Variants in ADAMTS2 observed in about 807,000 individuals in gnomAD.
ADAMTS2 encodes A disintegrin and metalloproteinase with thrombospondin motifs 2.
Under a neutral mutation model 123.0 loss-of-function variants are expected in ADAMTS2, and 50 were observed. The observed-to-expected ratio is 0.41, with a 90% CI of 0.32 to 0.51. The LOEUF (loss-of-function observed/expected upper bound fraction) is 0.51. Among genes scored for constraint, ADAMTS2 ranks in the 20% least tolerant of loss-of-function variants. The probability of loss-of-function intolerance (pLI) is 0.35; values close to 1 mark genes in which losing one functional copy is unlikely to be tolerated. For synonymous variants in ADAMTS2, 678 were observed against 695.4 expected (o/e 0.98, Z 0.39); for missense variants, 1,494 against 1,705.2 (o/e 0.88, Z 2.18).
chr5:179,217,801 G>GCGCAAGGGAA (rs879691618), intron 3 of ADAMTS2, among the ~76,000 whole-genome samples: 1 of 111,036 alleles, frequency 9.0e-6, no homozygotes, highest in African/African-American at 3.2e-5. Flanking sequence ...CGCAAGGGGG[G>GCGCAAGGGAA]GATGGGCACA....
intron 4 of ADAMTS2, among the ~76,000 whole-genome samples, chr5:179,194,448 A>T (rs998044673): frequency 1.1e-4 from 16 of 152,172 alleles, no homozygotes; most frequent in Admixed American, 6.5e-5. Context: ...GAACAGGAGG[A>T]CACAGTAGAT....
chr5:179,281,820 C>T (rs1449653923), intron 2 of ADAMTS2, among the ~76,000 whole-genome samples: 1 of 152,178 alleles, frequency 6.6e-6, no homozygotes, highest in Non-Finnish European at 1.5e-5. Context: ...ACTCATTATT[C>T]TTAGGCTCTT....
chr5:179,132,666 A>AG lies in ADAMTS2; in HGVS notation c.2209+110dup. The AG allele has an allele frequency of 7.8e-7, 1 of 1,277,790 alleles. No individual in the cohort carries two copies. Among genetic ancestry groups the AG allele is most frequent in the Admixed American group, 2.0e-5 (1 of 49,088 alleles). 79.2% of individuals were successfully genotyped at this position (1,277,790 alleles called of 1,614,324 possible). On this transcript the variant is annotated intron_variant, in intron 14 of 21. Coordinates refer to ENST00000251582, the MANE Select transcript of ADAMTS2 (RefSeq NM_014244.5). The surrounding 1 kb of genome is among the most constrained non-coding windows in gnomAD (Gnocchi z 6.1). ...GTGTCACAGACCTCTCCCCCTCCCCAGAACAGTCATAAGCCCGGACAGCCC... is the reference window on the plus strand; with the variant it reads ...GTGTCACAGACCTCTCCCCCTCCCCAGGAACAGTCATAAGCCCGGACAGCCC...
At chr5:179,226,243 TC>T (rs1765281166) in intron 3 of ADAMTS2, among the ~76,000 whole-genome samples, 1 of 139,066 alleles carries the variant, frequency 7.2e-6, no homozygotes, top group Non-Finnish European at 1.6e-5. Context: ...TTCCTTCCTT[TC>T]TTTCTTTCTT....
At chr5:179,167,580 C>T (rs1486343821) in intron 5 of ADAMTS2, among the ~76,000 whole-genome samples, 2 of 151,954 alleles carry the variant, frequency 1.3e-5, no homozygotes, top group Admixed American at 6.5e-5. Flanking sequence ...CCGCTGGAAC[C>T]GCGCCCGCCC....
chr5:179,256,661 C>T lies in ADAMTS2; in HGVS notation c.688+16250G>A, dbSNP rs1282102428. Among the ~76,000 whole-genome samples the T allele has an allele frequency of 6.6e-6, 1 of 152,124 alleles. No homozygotes were observed. Among genetic ancestry groups the T allele is most frequent in the African/African-American group, 2.4e-5 (1 of 41,406 alleles). The stretch of plus-strand genomic sequence containing the variant: ...ATGAGTGGGGGGGCCAGGCACGAAT[C>T]GGCAGGGAGGGAGGGGTTGTGTTCG... On this transcript the variant is annotated intron_variant, in intron 3 of 21. Coordinates refer to ENST00000251582, the MANE Select transcript of ADAMTS2 (RefSeq NM_014244.5). The surrounding 1 kb of genome is among the most constrained non-coding windows in gnomAD (Gnocchi z 4.1).
chr5:179,335,841 G>A (rs1389078275), intron 2 of ADAMTS2, among the ~76,000 whole-genome samples: 2 of 152,164 alleles, frequency 1.3e-5, no homozygotes, highest in Non-Finnish European at 2.9e-5. Flanking sequence ...GCAGGGCAAG[G>A]TAACGGGAAG....
chr5:179,341,406 C>T (rs1287152999), intron 2 of ADAMTS2: 9 of 337,790 alleles, frequency 2.7e-5, no homozygotes, highest in African/African-American at 4.5e-5. Context: ...AGAGGACAAG[C>T]GAAAAGAAAA....
In ADAMTS2 at chr5:179,234,180, G is replaced by A. The variant is rs567133981; in HGVS notation, c.689-26465C>T. 6.6e-6 allele frequency among the ~76,000 whole-genome samples: 1 copy of A among 152,226 alleles called. No individual in the cohort carries two copies. The highest frequency in any genetic ancestry group is 2.1e-4 in the South Asian group (1 of 4,820). On this transcript the variant is annotated intron_variant, in intron 3 of 21. Coordinates refer to ENST00000251582, the MANE Select transcript of ADAMTS2 (RefSeq NM_014244.5). This position sits in a 1 kb window ranked among gnomAD's most constrained non-coding sequence, Gnocchi z 4.7. ...CCAGAAGAGACCCTCTCCTGCCACA[G>A]GCGCCCTCCCCATCAGATGCCAGAG...
At chr5:179,193,710 T>C (rs1764357825) in intron 4 of ADAMTS2, among the ~76,000 whole-genome samples, 1 of 152,148 alleles carries the variant, frequency 6.6e-6, no homozygotes, top group Non-Finnish European at 1.5e-5. Flanking sequence ...ACCTACTACG[T>C]GCCAGGCCTT....
rs1024703927 is a variant in ADAMTS2, at chr5:179,162,982, G to A, written c.976-4103C>T. On this transcript the variant is annotated intron_variant, in intron 5 of 21. Transcript: ENST00000251582. This position sits in a 1 kb window ranked among gnomAD's most constrained non-coding sequence, Gnocchi z 5.1. ...GCAGTTTATATGCTTCTCAGTGGGA[G>A]AAGGGCCCTGGCCAAGTCTTTGAGG... 5.3e-5 allele frequency among the ~76,000 whole-genome samples: 8 copies of A among 152,222 alleles called. No homozygotes were observed. Among genetic ancestry groups the A allele is most frequent in the African/African-American group, 1.9e-4 (8 of 41,462 alleles).
At chr5:179,330,765 C>T (rs755893630) in intron 2 of ADAMTS2, among the ~76,000 whole-genome samples, 1 of 152,224 alleles carries the variant, frequency 6.6e-6, no homozygotes, top group African/African-American at 2.4e-5. Flanking sequence ...GGACACAGCC[C>T]GTGACAGCCT....
intron 3 of ADAMTS2, among the ~76,000 whole-genome samples, chr5:179,240,790 A>G (rs1191326048): frequency 6.6e-6 from 1 of 152,194 alleles, no homozygotes; most frequent in Non-Finnish European, 1.5e-5. Flanking sequence ...CTCGACCCTG[A>G]TACGCGATGC....
At chr5:179,232,483 C>A (rs766651337) in intron 3 of ADAMTS2, among the ~76,000 whole-genome samples, 2 of 152,186 alleles carry the variant, frequency 1.3e-5, no homozygotes, top group Non-Finnish European at 2.9e-5. Context: ...GTGTCAGAAC[C>A]AGGATATGAA....
chr5:179,344,968 G>T (rs1757898696), intron 1 of ADAMTS2, among the ~76,000 whole-genome samples: 1 of 151,974 alleles, frequency 6.6e-6, no homozygotes, highest in Admixed American at 6.5e-5. Context: ...CTCAGGAGCC[G>T]CCAGTGCTCC....
intron 2 of ADAMTS2, among the ~76,000 whole-genome samples, chr5:179,282,522 A>T (rs1419100139): frequency 2.0e-5 from 3 of 152,174 alleles, no homozygotes; most frequent in Non-Finnish European, 4.4e-5. Flanking sequence ...CACAGTCTTG[A>T]TTACTACAGC....
At chr5:179,310,758 G>C (rs1024159644) in intron 2 of ADAMTS2, among the ~76,000 whole-genome samples, 4 of 152,170 alleles carry the variant, frequency 2.6e-5, no homozygotes, top group Non-Finnish European at 5.9e-5. Context: ...ACCTTCCCAG[G>C]GTCCCTCAAA....
chr5:179,264,585 G>A (rs1181653729), intron 3 of ADAMTS2, among the ~76,000 whole-genome samples: 3 of 152,216 alleles, frequency 2.0e-5, no homozygotes, highest in African/African-American at 7.2e-5. Context: ...GTTACCTTGT[G>A]CAAAACCCGA....
rs773167287 is a variant in ADAMTS2 at position 179,114,185 on chromosome 5, T to C, written c.3318A>G (p.Ile1106Met). ...YNNLTNVEGR[I>M]EPPPGKHNDI... ...CGTTGTGCTTCCCAGGCGGTGGCTC[T>C]ATCCTGCCCTCCACGTTGGTGAGGT... is the stretch of plus-strand genomic sequence containing the variant. The change falls in exon 22 of 22, where the codon ATA (isoleucine) becomes ATG (methionine). Residue 1106 changes from isoleucine to methionine, a missense_variant. Around this residue, in one of 6 missense-constraint regions of ADAMTS2, gnomAD observed 953 missense variants for 1,124.7 expected, o/e 0.85. Coordinates refer to ENST00000251582, the MANE Select transcript of ADAMTS2 (RefSeq NM_014244.5). The C allele has an allele frequency of 1.1e-5, 17 of 1,611,822 alleles. No individual in the cohort carries two copies. The highest frequency in any genetic ancestry group is 1.4e-5 in the Non-Finnish European group (17 of 1,178,112).
Sources: gnomAD v4.1 joint callset for allele counts (sites outside exome capture counted in the v4.1 genomes callset) on GRCh38, gnomAD v4.1.1 for gene constraint, gnomAD v4.1.1 regional missense constraint, Gnocchi (gnomAD v3.1) non-coding constraint, MANE v1.5 for transcripts, NCBI Gene and HGNC (gene_info 2026-07-23, HGNC 2026-07-21) for gene names.